Variants in TBC1D23 observed in about 807,000 individuals in gnomAD.
TBC1D23 encodes HCV non-structural protein 4A-transactivated protein 1.
A neutral mutation model predicts 91.4 loss-of-function variants in TBC1D23; 55 were observed. The observed-to-expected ratio is 0.60, with a 90% CI of 0.48 to 0.75. The LOEUF is 0.75. Among genes scored for constraint, TBC1D23 ranks in the 30% least tolerant of loss-of-function variants. The pLI, the probability that TBC1D23 is intolerant of heterozygous loss-of-function variation, is 0.00. For synonymous variants in TBC1D23, 289 were observed against 281.0 expected, an observed-to-expected ratio of 1.03 and a Z score of -0.28; for missense variants, 725 against 836.1, an observed-to-expected ratio of 0.87 and a Z score of 1.64.
In TBC1D23 at chr3:100,311,832, G is replaced by T; in HGVS notation, c.1554-1G>T. 4 of 1,533,294 alleles carry T rather than the reference G, an allele frequency of 2.6e-6. No individual in the cohort carries two copies. Among genetic ancestry groups the T allele is most frequent in the Non-Finnish European group, 3.5e-6 (4 of 1,144,136 alleles). 95.0% of individuals were successfully genotyped at this position (1,533,294 alleles called of 1,614,324 possible). A position where few individuals can be genotyped will look rare whatever the true frequency, so the allele number is the denominator to read the frequency against. Reference sequence around the variant, plus strand: ...CTGTCCTCTGCCTTGATTTGCTATAGAATGTCTTTCAATCTTCCTTGGCCA... The same window carrying T: ...CTGTCCTCTGCCTTGATTTGCTATATAATGTCTTTCAATCTTCCTTGGCCA... On this transcript the variant is annotated splice_acceptor_variant, in intron 14 of 18. Transcript: ENST00000394144. LOFTEE classifies it high-confidence loss of function.
chr3:100,319,982 C>T (rs1405208467), intron 17 of TBC1D23, among the ~76,000 whole-genome samples: 1 of 152,022 alleles, frequency 6.6e-6, no homozygotes, highest in Non-Finnish European at 1.5e-5. Context: ...GATCATACCC[C>T]AAATTTTCAG....
At chr3:100,322,294 C>T (rs951229324) in intron 18 of TBC1D23, among the ~76,000 whole-genome samples, 33 of 152,026 alleles carry the variant, frequency 2.2e-4, no homozygotes, top group Non-Finnish European at 3.8e-4. Context: ...GGGGTTTCAC[C>T]GTGTTAGCCA....
At chr3:100,275,267 CT>C in intron 1 of TBC1D23, among the ~76,000 whole-genome samples, 1 of 150,796 alleles carries the variant, frequency 6.6e-6, no homozygotes, top group South Asian at 2.1e-4. Context: ...TGTTTGTTTG[CT>C]TTTTGAGACA....
intron 2 of TBC1D23, among the ~76,000 whole-genome samples, chr3:100,281,170 A>T (rs1457102283): frequency 2.0e-5 from 3 of 152,188 alleles, no homozygotes; most frequent in Non-Finnish European, 4.4e-5. Flanking sequence ...TCAAAAAATA[A>T]AAAAGACTGG....
At chr3:100,289,635 T>G (rs1330545099) in intron 4 of TBC1D23, among the ~76,000 whole-genome samples, 1 of 152,214 alleles carries the variant, frequency 6.6e-6, no homozygotes, top group Non-Finnish European at 1.5e-5. Flanking sequence ...GAGTGGCTGC[T>G]GTGACCCGTG....
intron 16 of TBC1D23, 102 bp from the exon 17 acceptor site, chr3:100,318,967 T>A: frequency 1.4e-6 from 1 of 716,628 alleles, no homozygotes. Context: ...TGTTTTTCAA[T>A]CCATATCTTC....
intron 1 of TBC1D23, among the ~76,000 whole-genome samples, chr3:100,267,543 A>G (rs1395993199): frequency 6.6e-6 from 1 of 152,206 alleles, no homozygotes; most frequent in Non-Finnish European, 1.5e-5. Flanking sequence ...TAGTTGTTAC[A>G]TTAAACTAGT....
chr3:100,278,197 C>G (rs2067665722), intron 1 of TBC1D23, among the ~76,000 whole-genome samples: 1 of 152,092 alleles, frequency 6.6e-6, no homozygotes, highest in Non-Finnish European at 1.5e-5. Context: ...TTCAGAACCA[C>G]CAAAATGGGA....
At chr3:100,295,423 A>T in intron 7 of TBC1D23, 75 bp downstream of exon 7, 1 of 1,239,272 alleles carries the variant, frequency 8.1e-7, no homozygotes, top group Non-Finnish European at 1.1e-6. Context: ...CCTCATTCGT[A>T]AATTTAGGAG....
At chr3:100,295,909 A>G (rs2067835057) in intron 7 of TBC1D23, among the ~76,000 whole-genome samples, 1 of 152,188 alleles carries the variant, frequency 6.6e-6, no homozygotes, top group Admixed American at 6.5e-5. Context: ...TTCTTCATAT[A>G]TGTTTAATAA....
At position 100,320,845 on chromosome 3, in the gene TBC1D23, A is replaced by G. The variant is rs369057260; in HGVS notation, c.1892A>G (p.Tyr631Cys). 3.1e-6 allele frequency: 5 copies of G among 1,613,258 alleles called. No individual in the cohort carries two copies. The highest frequency in any genetic ancestry group is 4.2e-6 in the Non-Finnish European group (5 of 1,179,630). Reference protein sequence around the residue: ...REIVSRKGLAYIQSRQALNSV... With the variant: ...REIVSRKGLACIQSRQALNSV... ...ATTGTTTCACGGAAAGGATTGGCTT[A>G]TATACAGTCTCGACAAGCGCTGAAT... Residue 631 changes from tyrosine (Y) to cysteine (C), a missense_variant, in exon 18 of 19, where the codon TAT (tyrosine) becomes TGT (cysteine). Physicochemically the swap from Tyr to Cys is radical, Grantham distance 194. Transcript: ENST00000394144.
intron 1 of TBC1D23, among the ~76,000 whole-genome samples, chr3:100,262,121 G>T (rs948113755): frequency 4.6e-5 from 7 of 152,206 alleles, no homozygotes; most frequent in Admixed American, 1.3e-4. Flanking sequence ...TTACCGTAGC[G>T]CTGGGCTCTC....
chr3:100,294,855 G>A (rs531118805), intron 5 of TBC1D23, among the ~76,000 whole-genome samples: 3 of 152,260 alleles, frequency 2.0e-5, no homozygotes, highest in Admixed American at 2.0e-4. Context: ...AAGTAAAAAT[G>A]GAAGCTTTAA....
intron 10 of TBC1D23, among the ~76,000 whole-genome samples, chr3:100,301,308 C>T (rs1210798445): frequency 6.7e-6 from 1 of 149,314 alleles, no homozygotes; most frequent in East Asian, 2.0e-4. Context: ...AACCTTCTTA[C>T]GTTTCAGAAC....
intron 1 of TBC1D23, among the ~76,000 whole-genome samples, chr3:100,261,745 G>A (rs1224834296): frequency 6.6e-6 from 1 of 152,152 alleles, no homozygotes; most frequent in Non-Finnish European, 1.5e-5. Context: ...TCGGGATTGT[G>A]GGGGAAGACC....
At chr3:100,261,636 A>G (rs1286107308) in intron 1 of TBC1D23, 2 of 150,776 alleles carry the variant, frequency 1.3e-5, no homozygotes, top group African/African-American at 2.4e-5. Flanking sequence ...CTTTTCCCCT[A>G]CTACCACATT....
intron 13 of TBC1D23, 42 bp from the exon 14 acceptor site, chr3:100,310,361 T>C: frequency 3.2e-6 from 5 of 1,569,238 alleles, no homozygotes; most frequent in Non-Finnish European, 3.5e-6. Flanking sequence ...GTATGTCTTT[T>C]AGTCATTCAG....
In TBC1D23 at chr3:100,290,686, C is replaced by G; in HGVS notation, c.585C>G (p.Ser195=). 6.2e-7 allele frequency: 1 copy of G among 1,609,442 alleles called. No homozygotes were observed. The highest frequency in any genetic ancestry group is 1.7e-4 in the Middle Eastern group (1 of 6,026). The stretch of plus-strand genomic sequence containing the variant: ...ATACAAAGAAAATTACTCCAGACTC[C>G]TATGCACTCAACTGGGTAATAAAGT... ...YLDTKKITPD[S]YALNWLGSLF... The change falls in exon 5 of 19, where the codon TCC becomes TCG. Residue 195 remains serine, a synonymous_variant. Transcript: ENST00000394144.
intron 15 of TBC1D23, among the ~76,000 whole-genome samples, chr3:100,313,194 A>G (rs1158961214): frequency 5.3e-5 from 8 of 152,108 alleles, no homozygotes; most frequent in Non-Finnish European, 8.8e-5. Flanking sequence ...TTTGTGAATC[A>G]TCCTTTCCAT....
Sources: gnomAD v4.1 joint callset for allele counts (sites outside exome capture counted in the v4.1 genomes callset) on GRCh38, gnomAD v4.1.1 for gene constraint, MANE v1.5 for transcripts, NCBI Gene and HGNC (gene_info 2026-07-23, HGNC 2026-07-21) for gene names.